The following TRABD2B variants were observed in gnomAD, a reference collection of about 807,000 sequenced individuals.
The protein encoded by TRABD2B is TraB domain containing 2B, also known as metalloprotease TIKI2.
In TRABD2B, 14 loss-of-function variants were observed where a neutral mutation model predicts 40.1. The ratio of observed to expected loss-of-function variants is 0.35; its 90% CI spans 0.23 to 0.55. The LOEUF (loss-of-function observed/expected upper bound fraction) is 0.55, where lower values mean the gene tolerates loss of function less well. Among genes scored for constraint, TRABD2B ranks in the 20% least tolerant of loss-of-function variants. The pLI is 0.90. For synonymous variants in TRABD2B, 263 were observed against 277.0 expected (o/e 0.95, Z 0.50); for missense variants, 541 against 648.6 (o/e 0.83, Z 1.80).
intron 4 of TRABD2B, among the ~76,000 whole-genome samples, chr1:47,790,573 T>G (rs994029515): frequency 1.3e-5 from 2 of 152,234 alleles, no homozygotes; most frequent in African/African-American, 4.8e-5. Flanking sequence ...AAACAGGCAC[T>G]CGTTTCCACA....
intron 2 of TRABD2B, among the ~76,000 whole-genome samples, chr1:47,886,752 T>C (rs1009563238): frequency 6.6e-6 from 1 of 152,228 alleles, no homozygotes; most frequent in Non-Finnish European, 1.5e-5. Context: ...CAAACAGTGG[T>C]GAATTGGCCA....
chr1:47,784,305 T>A (rs565214265), intron 4 of TRABD2B, among the ~76,000 whole-genome samples: 21 of 152,286 alleles, frequency 1.4e-4, no homozygotes, highest in Admixed American at 2.6e-4. Flanking sequence ...GGCAGGAAAT[T>A]GTCAGAAACA....
intron 2 of TRABD2B, among the ~76,000 whole-genome samples, chr1:47,842,327 C>T (rs1046316552): frequency 6.6e-6 from 1 of 152,140 alleles, no homozygotes; most frequent in African/African-American, 2.4e-5. Context: ...TTTGACCACC[C>T]CCAGGGCTCA....
chr1:47,868,869 G>GAA (rs1644099541), intron 2 of TRABD2B, among the ~76,000 whole-genome samples: 1 of 152,166 alleles, frequency 6.6e-6, no homozygotes, highest in African/African-American at 2.4e-5. Context: ...CTGGGCAAGT[G>GAA]TCCACAGTCA....
chr1:47,788,049 A>C (rs1297684776), intron 4 of TRABD2B, among the ~76,000 whole-genome samples: 3 of 152,154 alleles, frequency 2.0e-5, no homozygotes, highest in Non-Finnish European at 4.4e-5. Flanking sequence ...CCACCATTTC[A>C]CTTCAGTTCT....
chr1:47,964,715 C>G, intron 2 of TRABD2B, among the ~76,000 whole-genome samples: 1 of 152,100 alleles, frequency 6.6e-6, no homozygotes, highest in East Asian at 1.9e-4. Flanking sequence ...TACGGTAACA[C>G]CATATTACTG....
intron 2 of TRABD2B, among the ~76,000 whole-genome samples, chr1:47,883,668 C>T (rs1261577339): frequency 2.0e-5 from 3 of 152,106 alleles, no homozygotes; most frequent in African/African-American, 7.2e-5. Flanking sequence ...TGCATATGTA[C>T]TGTCTTCACC....
In TRABD2B at chr1:47,775,178, G is replaced by A. The variant is rs917915584; in HGVS notation, c.1341C>T (p.Ile447=). Residue 447 remains isoleucine (I), a synonymous_variant, in exon 6 of 7, where the codon ATC becomes ATT. Coordinates refer to ENST00000606738, the MANE Select transcript of TRABD2B (RefSeq NM_001194986.2). ...TGCCCTCCCTGGCTCACCTGTCCTC[G>A]ATGCGGACCCAGAGGTCATTGAACT... The part of the protein sequence containing the change: ...PRQFNDLWVR[I]EDSTTASPPP... 2.4e-6 allele frequency: 3 copies of A among 1,235,206 alleles called. No homozygotes were observed. The highest frequency in any genetic ancestry group is 3.0e-6 in the Non-Finnish European group (3 of 989,160). The allele number at this position is 1,235,206 out of a possible 1,614,324, so 76.5% of individuals were successfully genotyped here.
intron 2 of TRABD2B, among the ~76,000 whole-genome samples, chr1:47,883,361 T>A (rs1644330559): frequency 6.6e-6 from 1 of 152,240 alleles, no homozygotes; most frequent in African/African-American, 2.4e-5. Flanking sequence ...GCTGGTATTA[T>A]AGGCTTGATG....
chr1:47,889,420 C>T (rs750170074), intron 2 of TRABD2B, among the ~76,000 whole-genome samples: 7 of 152,206 alleles, frequency 4.6e-5, no homozygotes, highest in South Asian at 2.1e-4. Context: ...TTGCCAAGCA[C>T]GGTATGTGGC....
At chr1:47,906,061 C>T (rs1188104656) in intron 2 of TRABD2B, among the ~76,000 whole-genome samples, 3 of 152,166 alleles carry the variant, frequency 2.0e-5, no homozygotes, top group African/African-American at 7.2e-5. Flanking sequence ...GAGTGGCACA[C>T]CCTTGCTCAA....
chr1:47,970,092 T>C lies in TRABD2B; in HGVS notation c.666+23942A>G, dbSNP rs148632603. Among the ~76,000 whole-genome samples, 819 of 152,218 alleles carry C rather than the reference T, an allele frequency of 5.4e-3. 9 individuals carry two copies. Among genetic ancestry groups the C allele is most frequent in the African/African-American group, 0.017 (722 of 41,534 alleles). ...TAAGAGCTCAGCAAACATTGGTGAATGGATGAATGGGTAAACGGATGACTT... is the reference window on the plus strand; with the variant it reads ...TAAGAGCTCAGCAAACATTGGTGAACGGATGAATGGGTAAACGGATGACTT... On this transcript the variant is annotated intron_variant, in intron 2 of 6. Coordinates refer to ENST00000606738, the MANE Select transcript of TRABD2B (RefSeq NM_001194986.2).
At chr1:47,921,321 T>C (rs969984898) in intron 2 of TRABD2B, among the ~76,000 whole-genome samples, 2 of 152,142 alleles carry the variant, frequency 1.3e-5, no homozygotes, top group Non-Finnish European at 2.9e-5. Context: ...GCAAGTTGCC[T>C]CCGCTGCCAG....
rs375920237 is a variant in TRABD2B, at chr1:47,849,013, A to G, written c.667-47394T>C. On this transcript the variant is annotated intron_variant, in intron 2 of 6. Coordinates refer to ENST00000606738, the MANE Select transcript of TRABD2B (RefSeq NM_001194986.2). ...TGTGGCTATTAAAGGCTTCATGCAC[A>G]TTGCCTGATGTGAGCTCTGCAGCAG... Among the ~76,000 whole-genome samples the G allele has an allele frequency of 2.6e-5, 4 of 152,312 alleles. No individual in the cohort carries two copies. The East Asian group carries it at 5.8e-4, about 22-fold the overall frequency.
At chr1:47,993,728 G>C (rs1369227330) in intron 2 of TRABD2B, among the ~76,000 whole-genome samples, 2 of 152,182 alleles carry the variant, frequency 1.3e-5, no homozygotes, top group Non-Finnish European at 2.9e-5. Context: ...TCACTCTGAT[G>C]CTCTGAGGGA....
intron 2 of TRABD2B, among the ~76,000 whole-genome samples, chr1:47,993,423 C>T (rs1167600629): frequency 6.6e-6 from 1 of 152,202 alleles, no homozygotes. Flanking sequence ...GAACACGCTT[C>T]TCTGAAATTA....
chr1:47,807,020 G>C (rs1475607526), intron 2 of TRABD2B, among the ~76,000 whole-genome samples: 1 of 152,202 alleles, frequency 6.6e-6, no homozygotes, highest in African/African-American at 2.4e-5. Context: ...AGGTGCTGGG[G>C]AGTTAGCCAG....
intron 2 of TRABD2B, among the ~76,000 whole-genome samples, chr1:47,981,470 C>T (rs1003452734): frequency 2.6e-5 from 4 of 152,110 alleles, no homozygotes; most frequent in Non-Finnish European, 4.4e-5. Flanking sequence ...CTGTAAAATG[C>T]GGCTGAATCT....
At chr1:47,800,382 CAT>C (rs1465550299) in intron 3 of TRABD2B, among the ~76,000 whole-genome samples, 2 of 152,170 alleles carry the variant, frequency 1.3e-5, no homozygotes, top group Non-Finnish European at 2.9e-5. Context: ...GAGCCATGGT[CAT>C]ACCTGGGAGA....
Sources: allele counts gnomAD v4.1 joint callset (sites outside exome capture counted in the v4.1 genomes callset), GRCh38; gene constraint gnomAD v4.1.1; transcripts MANE v1.5; gene names NCBI Gene and HGNC (gene_info 2026-07-23, HGNC 2026-07-21).